TRHDE: variants seen among roughly 807,000 people sequenced by gnomAD.
The protein encoded by TRHDE is thyrotropin releasing hormone degrading enzyme, also known as thyrotropin-releasing hormone-degrading ectoenzyme.
Under a neutral mutation model 125.7 loss-of-function variants are expected in TRHDE, and 72 were observed. That is an observed-to-expected ratio of 0.57 (90% CI 0.47 to 0.70). The LOEUF (loss-of-function observed/expected upper bound fraction) is 0.70. TRHDE is among the 30% of genes least tolerant of loss of function. TRHDE has a pLI of 0.00. For synonymous variants in TRHDE, 509 were observed against 509.1 expected, an observed-to-expected ratio of 1.00 and a Z score of 0.00; for missense variants, 1,110 against 1,327.1, an observed-to-expected ratio of 0.84 and a Z score of 2.54.
chr12:72,368,554 T>C (rs1871437618), intron 2 of TRHDE, among the ~76,000 whole-genome samples: 3 of 152,098 alleles, frequency 2.0e-5, no homozygotes, highest in Non-Finnish European at 4.4e-5. Context: ...TAGATCAAAT[T>C]TGTTATTCTA....
At chr12:72,206,721 C>A (rs377136751) in intron 2 of TRHDE, among the ~76,000 whole-genome samples, 2 of 151,688 alleles carry the variant, frequency 1.3e-5, no homozygotes, top group African/African-American at 4.8e-5. Context: ...TATTACTGTT[C>A]CAAAATGAAA....
chr12:72,414,599 A>G (rs540340174), intron 3 of TRHDE, among the ~76,000 whole-genome samples: 46 of 152,240 alleles, frequency 3.0e-4, no homozygotes, highest in Middle Eastern at 3.4e-3. Flanking sequence ...TATGTAAGCA[A>G]TAGAGACCAG....
chr12:72,616,702 T>G (rs1991751), intron 12 of TRHDE, among the ~76,000 whole-genome samples: 58,639 of 151,938 alleles, frequency 0.39, 13,728 homozygotes, highest in African/African-American at 0.65. Context: ...CAAGCAACTT[T>G]CCAAAGTTAT....
intron 15 of TRHDE, among the ~76,000 whole-genome samples, chr12:72,644,782 G>A (rs1194664756): frequency 6.6e-6 from 1 of 152,112 alleles, no homozygotes; most frequent in East Asian, 1.9e-4. Context: ...ACTTCTCTGG[G>A]GCACCCCAAA....
intron 2 of TRHDE, among the ~76,000 whole-genome samples, chr12:72,377,549 A>G (rs943912306): frequency 6.6e-6 from 1 of 152,128 alleles, no homozygotes. Context: ...TTATAGATAT[A>G]TATTCTCAGT....
intron 12 of TRHDE, among the ~76,000 whole-genome samples, chr12:72,596,919 C>A (rs914485110): frequency 1.3e-5 from 2 of 152,096 alleles, no homozygotes; most frequent in Admixed American, 6.6e-5. Context: ...GAATTCCTTA[C>A]CATTATGAAA....
intron 2 of TRHDE, among the ~76,000 whole-genome samples, chr12:72,112,074 T>C (rs1047452202): frequency 6.6e-6 from 1 of 152,148 alleles, no homozygotes; most frequent in African/African-American, 2.4e-5. Context: ...TGTGTATATA[T>C]ACAAAAAGAT....
At chr12:72,100,559 G>A (rs1051937838) in intron 1 of TRHDE, among the ~76,000 whole-genome samples, 6 of 152,222 alleles carry the variant, frequency 3.9e-5, no homozygotes, top group Non-Finnish European at 8.8e-5. Context: ...GTTTGCTGTT[G>A]TCATAGTTAT....
chr12:72,152,978 C>T (rs182571782), intron 2 of TRHDE, among the ~76,000 whole-genome samples: 4,480 of 152,258 alleles, frequency 0.029, 111 homozygotes, highest in African/African-American at 0.065. Flanking sequence ...ATGGTACCAG[C>T]TCCTCCTTGT....
chr12:72,668,877 A>G lies in TRHDE; in HGVS notation c.*5682A>G, dbSNP rs1408854337. ...CTGCCCTCAGCATGTATGAAAACATAATGTTTATCCGTACAGACCATTCTC... is the reference window on the plus strand; with the variant it reads ...CTGCCCTCAGCATGTATGAAAACATGATGTTTATCCGTACAGACCATTCTC... On this transcript the variant is annotated 3_prime_UTR_variant, in exon 19 of 19. Coordinates refer to ENST00000261180, the MANE Select transcript of TRHDE (RefSeq NM_013381.3). The G allele has an allele frequency of 6.6e-6, 1 of 151,840 alleles. No homozygotes were observed. The highest frequency in any genetic ancestry group is 1.5e-5 in the Non-Finnish European group (1 of 67,850). The allele number at this position is 151,840 out of a possible 1,614,324, so 9.4% of individuals were successfully genotyped here.
rs556970596 is a variant in TRHDE at position 72,486,629 on chromosome 12, A to G, written c.1585-12869A>G. On this transcript the variant is annotated intron_variant, in intron 5 of 18. Coordinates refer to ENST00000261180, the MANE Select transcript of TRHDE (RefSeq NM_013381.3). ...AACCAGAGCAACTTCACCCTGCCCA[A>G]CTGACACCCATATGTCCATCTGCAG... Among the ~76,000 whole-genome samples, 4 of 152,264 alleles carry G rather than the reference A, an allele frequency of 2.6e-5. No homozygotes were observed. The South Asian group carries it at 8.3e-4, about 32-fold the overall frequency.
chr12:72,469,995 T>A (rs1876565819), intron 4 of TRHDE, 83 bp downstream of exon 4: 1 of 1,385,704 alleles, frequency 7.2e-7, no homozygotes, highest in Admixed American at 2.2e-5. Context: ...AGCTAAATTA[T>A]TATCCTCCCA....
intron 2 of TRHDE, among the ~76,000 whole-genome samples, chr12:72,143,731 C>T (rs1876168182): frequency 6.6e-6 from 1 of 151,936 alleles, no homozygotes; most frequent in Non-Finnish European, 1.5e-5. Context: ...TCTTTTTAGT[C>T]TCTCCTTGGT....
chr12:72,657,884 A>C (rs1874769129), intron 18 of TRHDE, among the ~76,000 whole-genome samples: 1 of 152,144 alleles, frequency 6.6e-6, no homozygotes, highest in Admixed American at 6.6e-5. Flanking sequence ...AATATAGCTG[A>C]TATTTGACAT....
At chr12:72,505,287 A>G (rs1878312629) in intron 6 of TRHDE, among the ~76,000 whole-genome samples, 1 of 152,198 alleles carries the variant, frequency 6.6e-6, no homozygotes, top group Non-Finnish European at 1.5e-5. Flanking sequence ...TGAAATAACA[A>G]GTTTCCCATT....
At chr12:72,243,465 TGAA>T (rs1201522207) in intron 2 of TRHDE, among the ~76,000 whole-genome samples, 2 of 152,208 alleles carry the variant, frequency 1.3e-5, no homozygotes, top group Non-Finnish European at 2.9e-5. Context: ...TACCAGATGT[TGAA>T]GAATTCATTT....
At chr12:72,162,573 C>T (rs1237022485) in intron 2 of TRHDE, among the ~76,000 whole-genome samples, 1 of 152,168 alleles carries the variant, frequency 6.6e-6, no homozygotes, top group Admixed American at 6.5e-5. Flanking sequence ...GGAGATTAGC[C>T]TGGAGCCAGT....
At chr12:72,541,441 G>A (rs2135986610) in intron 6 of TRHDE, among the ~76,000 whole-genome samples, 2 of 151,624 alleles carry the variant, frequency 1.3e-5, no homozygotes, top group South Asian at 4.1e-4. Context: ...TTCTCAAGAT[G>A]AGAGAGACTC....
intron 12 of TRHDE, among the ~76,000 whole-genome samples, chr12:72,578,423 C>A (rs17111486): frequency 1.3e-5 from 2 of 152,082 alleles, no homozygotes; most frequent in African/African-American, 4.8e-5. Context: ...TATCCTCATT[C>A]CCCTTGACTG....
Sources: gnomAD v4.1 joint callset for allele counts (sites outside exome capture counted in the v4.1 genomes callset) on GRCh38, gnomAD v4.1.1 for gene constraint, MANE v1.5 for transcripts, NCBI Gene and HGNC (gene_info 2026-07-23, HGNC 2026-07-21) for gene names.